Variants in DCHS2 observed in about 807,000 individuals in gnomAD.
DCHS2 encodes protocadherin-23.
Under a neutral mutation model 182.4 loss-of-function variants are expected in DCHS2, and 142 were observed. That is an observed-to-expected ratio of 0.78 (90% CI 0.68 to 0.89). DCHS2 has a LOEUF of 0.89. Among genes scored for constraint, DCHS2 ranks in the 40% least tolerant of loss-of-function variants. DCHS2 has a pLI of 0.00. For synonymous variants in DCHS2, 1,740 were observed against 1,663.3 expected, an observed-to-expected ratio of 1.05 and a Z score of -1.12; for missense variants, 4,319 against 4,198.6, an observed-to-expected ratio of 1.03 and a Z score of -0.79.
chr4:154,377,643 C>G (rs1180994704), intron 1 of DCHS2, among the ~76,000 whole-genome samples, 199 bp from the exon 2 acceptor site: 1 of 152,086 alleles, frequency 6.6e-6, no homozygotes, highest in African/African-American at 2.4e-5. Context: ...TTTGTGAGTT[C>G]TCCTTTTCAA....
At chr4:154,306,806 T>C (rs956461343) in intron 10 of DCHS2, among the ~76,000 whole-genome samples, 1 of 152,166 alleles carries the variant, frequency 6.6e-6, no homozygotes, top group African/African-American at 2.4e-5. Context: ...TTTTTAATTC[T>C]CACCACTTGC....
chr4:154,373,796 T>C (rs566652968), intron 2 of DCHS2: 47 of 754,510 alleles, frequency 6.2e-5, no homozygotes, highest in Non-Finnish European at 9.7e-5. Flanking sequence ...AAGGAGAAAA[T>C]CACAGCCAAG....
rs1735980729 is a variant in DCHS2 at position 154,483,020 on chromosome 4, C to T, written c.2052+6284G>A. Among the ~76,000 whole-genome samples, 8 of 152,274 alleles carry T rather than the reference C, an allele frequency of 5.3e-5. No homozygotes were observed. In the South Asian group the frequency reaches 1.7e-3, roughly 32 times the overall value. On this transcript the variant is annotated intron_variant, in intron 1 of 19. Coordinates refer to ENST00000357232, the MANE Select transcript of DCHS2 (RefSeq NM_001358235.2). The stretch of plus-strand genomic sequence containing the variant: ...TGAGGGCCTGGCTGATATTAAAATA[C>T]CATACTTAAATTCTACTCTAAGTAG...
intron 1 of DCHS2, among the ~76,000 whole-genome samples, chr4:154,425,040 C>T (rs1733265937): frequency 6.6e-6 from 1 of 152,196 alleles, no homozygotes; most frequent in Admixed American, 6.5e-5. Flanking sequence ...CTGATAAGCA[C>T]ACCTTGACAG....
At chr4:154,482,392 G>T (rs1182472596) in intron 1 of DCHS2, among the ~76,000 whole-genome samples, 1 of 152,028 alleles carries the variant, frequency 6.6e-6, no homozygotes, top group Non-Finnish European at 1.5e-5. Context: ...GGCCACTTTT[G>T]CTCAAGAACC....
chr4:154,236,817 T>TTATAAGGA lies in DCHS2; in HGVS notation c.7827_7834dup (p.Lys2612IlefsTer37). 1 of 1,614,066 alleles carries TTATAAGGA rather than the reference T, an allele frequency of 6.2e-7. No individual in the cohort carries two copies. The highest frequency in any genetic ancestry group is 8.5e-7 in the Non-Finnish European group (1 of 1,179,974). On this transcript the variant is annotated frameshift_variant, in exon 20 of 20. Transcript: ENST00000357232. LOFTEE classifies it low-confidence loss of function (END_TRUNC). ...AAGCAACACAAGATAACCGACTTGC[T>TTATAAGGA]TATAAGGATATTCTGAATGAAAGAA...
At chr4:154,468,419 C>T (rs1352522711) in intron 1 of DCHS2, among the ~76,000 whole-genome samples, 1 of 152,086 alleles carries the variant, frequency 6.6e-6, no homozygotes, top group Non-Finnish European at 1.5e-5. Flanking sequence ...AGAATTTTCT[C>T]CTCAGAATCA....
intron 1 of DCHS2, among the ~76,000 whole-genome samples, chr4:154,429,132 A>C (rs1428898902): frequency 6.6e-6 from 1 of 152,100 alleles, no homozygotes; most frequent in Admixed American, 6.6e-5. Flanking sequence ...CTATGAGGGG[A>C]TATCGTTTAA....
chr4:154,414,910 G>A (rs1732773142), intron 1 of DCHS2, among the ~76,000 whole-genome samples: 1 of 152,164 alleles, frequency 6.6e-6, no homozygotes, highest in Admixed American at 6.5e-5. Context: ...CATGCCATTG[G>A]GGAACACAGC....
chr4:154,384,412 ACACTATAG>A (rs1288452131), intron 1 of DCHS2: 1 of 1,613,298 alleles, frequency 6.2e-7, no homozygotes, highest in Non-Finnish European at 8.5e-7. Flanking sequence ...TGGCTTCTGA[ACACTATAG>A]CACCCCAGAG....
At chr4:154,481,622 T>C (rs1236598622) in intron 1 of DCHS2, among the ~76,000 whole-genome samples, 5 of 152,194 alleles carry the variant, frequency 3.3e-5, no homozygotes, top group African/African-American at 9.7e-5. Flanking sequence ...AAATTACATA[T>C]AATGGTAAAC....
At chr4:154,368,664 A>G (rs1187550696) in intron 2 of DCHS2, among the ~76,000 whole-genome samples, 3 of 152,048 alleles carry the variant, frequency 2.0e-5, no homozygotes, top group African/African-American at 4.8e-5. Context: ...TTACAGGCAC[A>G]CACCACCACA....
At chr4:154,403,631 T>C (rs1732282610) in intron 1 of DCHS2, among the ~76,000 whole-genome samples, 1 of 152,170 alleles carries the variant, frequency 6.6e-6, no homozygotes, top group Admixed American at 6.5e-5. Flanking sequence ...GATCATGTTG[T>C]GATATTAGGA....
chr4:154,352,068 C>CACAT (rs967920355), intron 3 of DCHS2, among the ~76,000 whole-genome samples: 1 of 152,138 alleles, frequency 6.6e-6, no homozygotes, highest in African/African-American at 2.4e-5. Flanking sequence ...CACACACACA[C>CACAT]ACATACATAC....
At chr4:154,459,883 A>G (rs1481389673) in intron 1 of DCHS2, among the ~76,000 whole-genome samples, 1 of 152,072 alleles carries the variant, frequency 6.6e-6, no homozygotes, top group African/African-American at 2.4e-5. Flanking sequence ...GTACCCACTT[A>G]ACCCAACAAG....
intron 12 of DCHS2, 60 bp from the exon 13 acceptor site, chr4:154,298,768 C>A (rs1735077945): frequency 6.6e-7 from 1 of 1,516,582 alleles, no homozygotes; most frequent in Non-Finnish European, 8.8e-7. Context: ...TCTTTGCTAG[C>A]ACTATCTATG....
At position 154,484,285 on chromosome 4, in the gene DCHS2, C is replaced by T. The variant is rs73856405; in HGVS notation, c.2052+5019G>A. Among the ~76,000 whole-genome samples, 963 of 152,286 alleles carry T rather than the reference C, an allele frequency of 6.3e-3. 19 individuals carry two copies. In the South Asian group the frequency reaches 0.068, roughly 11 times the overall value. ...TTATTACAAGAGACTCAGAACTCTC[C>T]TACCTGGTTTCCCTCCTTACTTCTT... On this transcript the variant is annotated intron_variant, in intron 1 of 19. Coordinates refer to ENST00000357232, the MANE Select transcript of DCHS2 (RefSeq NM_001358235.2).
chr4:154,400,383 C>T (rs1158823346), intron 1 of DCHS2, among the ~76,000 whole-genome samples: 1 of 149,610 alleles, frequency 6.7e-6, no homozygotes, highest in Admixed American at 6.7e-5. Context: ...GAATGTCTTT[C>T]CAGGGTCCTT....
intron 1 of DCHS2, among the ~76,000 whole-genome samples, chr4:154,379,180 G>A (rs866508757): frequency 2.0e-5 from 3 of 152,262 alleles, no homozygotes; most frequent in Middle Eastern, 3.4e-3. Flanking sequence ...GGAAAAAAAA[G>A]GAGCAAAGGA....
Sources: allele counts gnomAD v4.1 joint callset (sites outside exome capture counted in the v4.1 genomes callset), GRCh38; gene constraint gnomAD v4.1.1; transcripts MANE v1.5; gene names NCBI Gene and HGNC (gene_info 2026-07-23, HGNC 2026-07-21).